PRDM10: variants seen among roughly 807,000 people sequenced by gnomAD.
The protein encoded by PRDM10 is PR domain zinc finger protein 10.
Under a neutral mutation model 133.1 loss-of-function variants are expected in PRDM10, and 65 were observed. That is an observed-to-expected ratio of 0.49 (90% CI 0.40 to 0.60). PRDM10 has a LOEUF of 0.60. Among genes scored for constraint, PRDM10 ranks in the 20% least tolerant of loss-of-function variants. The pLI is 0.00. For missense variants in PRDM10, 1,137 were observed against 1,507.1 expected, an observed-to-expected ratio of 0.75 and a Z score of 4.07; for synonymous variants, 582 against 580.4, an observed-to-expected ratio of 1.00 and a Z score of -0.04.
intron 1 of PRDM10, among the ~76,000 whole-genome samples, chr11:129,979,272 C>T (rs1937968273): frequency 1.3e-5 from 2 of 152,076 alleles, no homozygotes; most frequent in Non-Finnish European, 2.9e-5. Context: ...CCTAAGCGTC[C>T]GACCTGAGAG....
At position 129,905,002 on chromosome 11, in the gene PRDM10, T is replaced by C. The variant is rs552994150; in HGVS notation, c.3267+636A>G. Among the ~76,000 whole-genome samples the C allele has an allele frequency of 4.6e-5, 7 of 152,338 alleles. No homozygotes were observed. The East Asian group carries it at 1.3e-3, about 29-fold the overall frequency. On this transcript the variant is annotated intron_variant, in intron 20 of 20. Transcript: ENST00000360871. ...ACAGCTCCATAATTGATTCATTATA[T>C]TATTCTCTCCCAACCCAGTTGAGGG...
chr11:129,908,748 T>C (rs1950090717), intron 19 of PRDM10, among the ~76,000 whole-genome samples: 1 of 152,176 alleles, frequency 6.6e-6, no homozygotes, highest in African/African-American at 2.4e-5. Context: ...ATTATTATCA[T>C]GAATATCTTC....
intron 8 of PRDM10, among the ~76,000 whole-genome samples, chr11:129,936,723 TACTGGGA>T: frequency 6.6e-6 from 1 of 152,218 alleles, no homozygotes; most frequent in African/African-American, 2.4e-5. Flanking sequence ...CCTGAGGAGC[TACTGGGA>T]ACCTCCTAAC....
At position 129,910,675 on chromosome 11, in the gene PRDM10, C is replaced by G. The variant is rs1950161445; in HGVS notation, c.2983-19G>C. On this transcript the variant is annotated intron_variant, in intron 18 of 20. Coordinates refer to ENST00000360871, the MANE Select transcript of PRDM10 (RefSeq NM_199437.2). ...CAGATACCTGGGGAGAAAGAGAAAG[C>G]AATGGTAGGGAATTACGAGCTTCTA... The G allele has an allele frequency of 6.6e-7, 1 of 1,524,896 alleles. No individual in the cohort carries two copies. The allele number at this position is 1,524,896 out of a possible 1,614,324, so 94.5% of individuals were successfully genotyped here. A position where few individuals can be genotyped will look rare whatever the true frequency, so the allele number is the denominator to read the frequency against.
intron 1 of PRDM10, among the ~76,000 whole-genome samples, chr11:129,977,285 C>CACAT (rs1937818101): frequency 1.3e-5 from 2 of 151,546 alleles, no homozygotes; most frequent in Admixed American, 1.3e-4. Flanking sequence ...CACACACACA[C>CACAT]ACACACACAC....
intron 4 of PRDM10, 63 bp downstream of exon 4, chr11:129,955,449 G>T (rs974533360): frequency 1.3e-6 from 2 of 1,501,342 alleles, no homozygotes; most frequent in African/African-American, 2.8e-5. Context: ...AAAGGGATGG[G>T]GCATTCCAGG....
intron 20 of PRDM10, among the ~76,000 whole-genome samples, chr11:129,902,881 A>G (rs371581212): frequency 6.6e-6 from 1 of 151,510 alleles, no homozygotes; most frequent in African/African-American, 2.4e-5. Flanking sequence ...TTAATACAGA[A>G]TGGATCCAAG....
At chr11:129,957,533 G>A (rs1267135673) in intron 3 of PRDM10, among the ~76,000 whole-genome samples, 2 of 152,088 alleles carry the variant, frequency 1.3e-5, no homozygotes, top group African/African-American at 2.4e-5. Context: ...TGGCCAGGCT[G>A]GTCTTGAACT....
At chr11:129,906,278 T>C (rs553750234) in intron 19 of PRDM10, among the ~76,000 whole-genome samples, 1 of 152,318 alleles carries the variant, frequency 6.6e-6, no homozygotes, top group South Asian at 2.1e-4. Flanking sequence ...GGCAGAAAGC[T>C]TGTGAGACAG....
Position 129,932,566 on chromosome 11 carries a change from T to C in PRDM10, c.1158-335A>G, listed in dbSNP as rs181850493. ...CCTTTGAGCGTGTTCCCAGGAGATG[T>C]CATCTGAGACAAGATTCCCATTATT... On this transcript the variant is annotated intron_variant, in intron 9 of 20. Coordinates refer to ENST00000360871, the MANE Select transcript of PRDM10 (RefSeq NM_199437.2). Among the ~76,000 whole-genome samples the C allele has an allele frequency of 1.2e-3, 190 of 152,308 alleles. 2 individuals carry two copies. Among genetic ancestry groups the C allele is most frequent in the Non-Finnish European group, 1.8e-4 (12 of 68,026 alleles).
Position 129,923,365 on chromosome 11 carries a change from G to A in PRDM10, c.1917C>T (p.Ile639=), listed in dbSNP as rs761084498. Residue 639 remains isoleucine (I), a synonymous_variant, in exon 13 of 21, where the codon ATC becomes ATT. Transcript: ENST00000360871. This position sits in a 1 kb window ranked among gnomAD's most constrained non-coding sequence, Gnocchi z 4.4. ...CCTTGTCACACTCTGTGCACTGGTA[G>A]ATCTTTTCTGAGTGGAAGCTGCGCA... The part of the protein sequence containing the change: ...KHVRSFHSEK[I]YQCTECDKAF... 2 of 1,612,020 alleles carry A rather than the reference G, an allele frequency of 1.2e-6. No homozygotes were observed. The highest frequency in any genetic ancestry group is 3.4e-5 in the Admixed American group (2 of 59,694).
chr11:129,978,487 T>G (rs1463253210), intron 1 of PRDM10, among the ~76,000 whole-genome samples: 1 of 152,220 alleles, frequency 6.6e-6, no homozygotes, highest in South Asian at 2.1e-4. Context: ...AGGAAGATAC[T>G]GTATAACCAG....
chr11:130,002,097 C>T (rs1214853257), intron 1 of PRDM10, among the ~76,000 whole-genome samples: 1 of 151,082 alleles, frequency 6.6e-6, no homozygotes, highest in Non-Finnish European at 1.5e-5. Context: ...GCGCCCGCAA[C>T]CGGCCAGCCC....
At chr11:129,959,225 C>A (rs1279501054) in intron 2 of PRDM10, among the ~76,000 whole-genome samples, 2 of 152,174 alleles carry the variant, frequency 1.3e-5, no homozygotes, top group Non-Finnish European at 2.9e-5. Flanking sequence ...AGAAATACAA[C>A]AAACTTCCAC....
Position 129,910,481 on chromosome 11 carries a change from C to A in PRDM10, c.3158G>T (p.Gly1053Val). ...YLPSAWNSFRGYSSEIQMMTL... is the reference protein window; with the variant it reads ...YLPSAWNSFRVYSSEIQMMTL... ...CATCGTCCCTTCTTACTTACAATAG[C>A]CACGGAAGGAATTCCAAGCACTGGG... Residue 1053 changes from glycine (G) to valine (V), a missense_variant, in exon 19 of 21, where the codon GGC becomes GTC. By Grantham distance (109) the Gly-to-Val change is moderately radical. Transcript: ENST00000360871. 1 of 1,614,012 alleles carries A rather than the reference C, an allele frequency of 6.2e-7. No individual in the cohort carries two copies. Among genetic ancestry groups the A allele is most frequent in the Non-Finnish European group, 8.5e-7 (1 of 1,180,028 alleles).
chr11:129,981,573 G>A (rs372744441), intron 1 of PRDM10, among the ~76,000 whole-genome samples: 2 of 151,962 alleles, frequency 1.3e-5, no homozygotes, highest in South Asian at 2.1e-4. Context: ...TGCTTTCAAC[G>A]TACAGATGTG....
chr11:129,927,294 C>G (rs1359811812), intron 11 of PRDM10, among the ~76,000 whole-genome samples: 2 of 149,216 alleles, frequency 1.3e-5, no homozygotes, highest in Non-Finnish European at 3.0e-5. Context: ...CTTTTTAACT[C>G]TGTCTGGATA....
At chr11:129,998,024 C>T (rs1056918703) in intron 1 of PRDM10, among the ~76,000 whole-genome samples, 2 of 152,140 alleles carry the variant, frequency 1.3e-5, no homozygotes, top group African/African-American at 4.8e-5. Context: ...AAGAAATATG[C>T]AAGCCACATA....
intron 4 of PRDM10, among the ~76,000 whole-genome samples, chr11:129,951,513 T>G (rs139477571): frequency 6.5e-4 from 99 of 152,318 alleles, no homozygotes; most frequent in African/African-American, 2.1e-3. Context: ...TCCTGTGCAT[T>G]TTGTCATGTA....
Sources: gnomAD v4.1 joint callset for allele counts (sites outside exome capture counted in the v4.1 genomes callset) on GRCh38, gnomAD v4.1.1 for gene constraint, Gnocchi (gnomAD v3.1) non-coding constraint, MANE v1.5 for transcripts, NCBI Gene and HGNC (gene_info 2026-07-23, HGNC 2026-07-21) for gene names.